RABGAP1L: variants seen among roughly 807,000 people sequenced by gnomAD.
RABGAP1L encodes rab GTPase-activating protein 1-like.
A neutral mutation model predicts 137.7 loss-of-function variants in RABGAP1L; 63 were observed. That is an observed-to-expected ratio of 0.46 (90% CI 0.37 to 0.56). The LOEUF (loss-of-function observed/expected upper bound fraction) is 0.56. RABGAP1L is among the 20% of genes least tolerant of loss of function. RABGAP1L has a pLI of 0.00. For missense variants in RABGAP1L, 1,095 were observed against 1,244.0 expected (o/e 0.88, Z 1.80); for synonymous variants, 431 against 433.7 (o/e 0.99, Z 0.08).
intron 14 of RABGAP1L, among the ~76,000 whole-genome samples, chr1:174,644,609 C>T (rs1247650456): frequency 2.6e-5 from 4 of 151,770 alleles, no homozygotes; most frequent in Admixed American, 2.6e-4. Flanking sequence ...TTTATGGTGC[C>T]TCCTGAATTA....
intron 18 of RABGAP1L, among the ~76,000 whole-genome samples, chr1:174,804,945 A>G (rs1220618001): frequency 6.6e-6 from 1 of 152,196 alleles, no homozygotes; most frequent in Non-Finnish European, 1.5e-5. Flanking sequence ...TAACAGCTGC[A>G]AGGATTGCTC....
In RABGAP1L at chr1:174,937,619, AATATAT is replaced by A. The variant is rs148901840; in HGVS notation, c.2341-19827_2341-19822del. Among the ~76,000 whole-genome samples the A allele has an allele frequency of 5.5e-5, 6 of 109,648 alleles. 1 individual carries two copies. Among genetic ancestry groups the A allele is most frequent in the Admixed American group, 3.5e-4 (4 of 11,498 alleles). 71.9% of individuals were successfully genotyped at this position (109,648 alleles called of 152,430 possible). On this transcript the variant is annotated intron_variant, in intron 19 of 25. Coordinates refer to ENST00000681986, the MANE Select transcript of RABGAP1L (RefSeq NM_001366446.1). ...ATTTTTAAATAGCAATACTTCATTA[AATATAT>A]ATATATATATCTTGCAGTTAGAAAC...
At chr1:174,964,812 T>TA (rs1669470576) in intron 20 of RABGAP1L, 6 of 1,384,476 alleles carry the variant, frequency 4.3e-6, no homozygotes, top group Non-Finnish European at 5.6e-6. Context: ...AGAGAGAACT[T>TA]AGAGTTATAT....
chr1:174,387,969 C>G (rs1686938199), intron 12 of RABGAP1L, among the ~76,000 whole-genome samples: 1 of 151,904 alleles, frequency 6.6e-6, no homozygotes, highest in Admixed American at 6.6e-5. Flanking sequence ...GTATAAACTA[C>G]TATGTCTTTT....
intron 4 of RABGAP1L, among the ~76,000 whole-genome samples, chr1:174,234,472 G>T (rs1460802426): frequency 6.9e-6 from 1 of 145,364 alleles, no homozygotes. Flanking sequence ...TCCAGTTTCA[G>T]CTTCCTACAT....
intron 11 of RABGAP1L, among the ~76,000 whole-genome samples, chr1:174,350,011 C>A (rs1682961433): frequency 8.4e-6 from 1 of 118,758 alleles, no homozygotes; most frequent in Non-Finnish European, 1.8e-5. Context: ...GGCTGAGGGG[C>A]TCCTCACTTC....
At chr1:174,567,091 T>G (rs1205702063) in intron 13 of RABGAP1L, among the ~76,000 whole-genome samples, 1 of 152,100 alleles carries the variant, frequency 6.6e-6, no homozygotes, top group African/African-American at 2.4e-5. Context: ...ATGTTAACAG[T>G]GTTGTATAAC....
At chr1:174,204,100 G>A (rs1360231797) in intron 1 of RABGAP1L, among the ~76,000 whole-genome samples, 1 of 152,072 alleles carries the variant, frequency 6.6e-6, no homozygotes, top group Non-Finnish European at 1.5e-5. Context: ...TCAGGCATGT[G>A]CCACCATGCC....
At chr1:174,866,093 G>A (rs1330238305) in intron 19 of RABGAP1L, among the ~76,000 whole-genome samples, 1 of 144,456 alleles carries the variant, frequency 6.9e-6, no homozygotes, top group Non-Finnish European at 1.5e-5. Flanking sequence ...AGGAGAGGAG[G>A]GGAGAGGGAG....
chr1:174,671,264 G>A (rs1677157060), intron 14 of RABGAP1L, among the ~76,000 whole-genome samples: 1 of 152,170 alleles, frequency 6.6e-6, no homozygotes, highest in African/African-American at 2.4e-5. Context: ...ATAAAATGAT[G>A]TCAACTGCAG....
intron 4 of RABGAP1L, among the ~76,000 whole-genome samples, chr1:174,238,140 C>T (rs1272768912): frequency 6.6e-6 from 1 of 152,144 alleles, no homozygotes; most frequent in African/African-American, 2.4e-5. Context: ...TTAGGCACTT[C>T]TCTGTATTGG....
intron 10 of RABGAP1L, among the ~76,000 whole-genome samples, chr1:174,294,284 A>G (rs1367481349): frequency 3.9e-5 from 6 of 152,208 alleles, no homozygotes; most frequent in Admixed American, 6.5e-5. Flanking sequence ...CCTAACATAA[A>G]TGAATTAATG....
intron 13 of RABGAP1L, among the ~76,000 whole-genome samples, chr1:174,596,906 T>G (rs550353104): frequency 5.3e-5 from 8 of 152,306 alleles, no homozygotes; most frequent in African/African-American, 1.9e-4. Context: ...TTTTTTAGGT[T>G]TTTTTAAATT....
At chr1:174,975,218 G>C (rs1262158975) in intron 21 of RABGAP1L, among the ~76,000 whole-genome samples, 1 of 152,244 alleles carries the variant, frequency 6.6e-6, no homozygotes, top group African/African-American at 2.4e-5. Context: ...TTAAAGCCTA[G>C]TGGGCAAGAC....
chr1:174,945,317 T>C (rs1352665488), intron 19 of RABGAP1L, among the ~76,000 whole-genome samples: 1 of 152,204 alleles, frequency 6.6e-6, no homozygotes, highest in Non-Finnish European at 1.5e-5. Flanking sequence ...TACTAAAATT[T>C]TTAAGTGATA....
At chr1:174,412,637 C>A (rs1017645653) in intron 13 of RABGAP1L, among the ~76,000 whole-genome samples, 2 of 151,992 alleles carry the variant, frequency 1.3e-5, no homozygotes, top group African/African-American at 4.8e-5. Context: ...TCTTAAGGAT[C>A]CCTTGTAAAA....
intron 13 of RABGAP1L, among the ~76,000 whole-genome samples, chr1:174,582,851 A>T (rs1052250253): frequency 1.3e-5 from 2 of 152,188 alleles, no homozygotes; most frequent in African/African-American, 2.4e-5. Flanking sequence ...AGCATTTCCA[A>T]ACCATGGTGC....
intron 13 of RABGAP1L, among the ~76,000 whole-genome samples, chr1:174,607,755 G>T (rs1258947531): frequency 1.3e-5 from 2 of 152,098 alleles, no homozygotes; most frequent in African/African-American, 4.8e-5. Flanking sequence ...TTGGATAATT[G>T]GAGCATAACA....
intron 14 of RABGAP1L, among the ~76,000 whole-genome samples, chr1:174,674,695 G>T (rs991772294): frequency 1.2e-4 from 18 of 150,852 alleles, no homozygotes; most frequent in African/African-American, 4.4e-4. Context: ...CTAGTTTACA[G>T]TCCCACCAAC....
Sources: allele counts gnomAD v4.1 joint callset (sites outside exome capture counted in the v4.1 genomes callset), GRCh38; gene constraint gnomAD v4.1.1; transcripts MANE v1.5; gene names NCBI Gene and HGNC (gene_info 2026-07-23, HGNC 2026-07-21).